The following SGMS1 variants were observed in gnomAD, a reference collection of about 807,000 sequenced individuals.
The protein encoded by SGMS1 is phosphatidylcholine:ceramide cholinephosphotransferase 1.
A neutral mutation model predicts 46.2 loss-of-function variants in SGMS1; 13 were observed. The observed-to-expected ratio is 0.28, with a 90% CI of 0.18 to 0.45. SGMS1 has a LOEUF of 0.45. SGMS1 is among the 20% of genes least tolerant of loss of function. The pLI is 1.00. For synonymous variants in SGMS1, 203 were observed against 187.8 expected, an observed-to-expected ratio of 1.08 and a Z score of -0.66; for missense variants, 324 against 519.9, an observed-to-expected ratio of 0.62 and a Z score of 3.66.
rs371572156 is a variant in SGMS1 at position 50,583,835 on chromosome 10, T to C, written c.-589+6318A>G. On this transcript the variant is annotated intron_variant, in intron 2 of 10. Transcript: ENST00000361781. ...CTTTCCCCTCTCTAAAAATAAAACT[T>C]GAAGACTATTCAAGTGAATTTTAAT... 3.3e-5 allele frequency among the ~76,000 whole-genome samples: 5 copies of C among 152,174 alleles called. No homozygotes were observed. The South Asian group carries it at 1.0e-3, about 32-fold the overall frequency.
intron 6 of SGMS1, among the ~76,000 whole-genome samples, chr10:50,355,647 C>T (rs1455501482): frequency 1.3e-5 from 2 of 152,230 alleles, no homozygotes; most frequent in East Asian, 1.9e-4. Context: ...CAGCCGCCTG[C>T]CTTGGCCTCC....
intron 6 of SGMS1, among the ~76,000 whole-genome samples, chr10:50,388,320 A>G (rs1220765424): frequency 6.6e-6 from 1 of 152,104 alleles, no homozygotes; most frequent in African/African-American, 2.4e-5. Flanking sequence ...ATATTTAAAC[A>G]AAGCAAATGT....
chr10:50,393,139 A>G (rs930752861), intron 6 of SGMS1, among the ~76,000 whole-genome samples: 1 of 152,140 alleles, frequency 6.6e-6, no homozygotes, highest in Admixed American at 6.6e-5. Flanking sequence ...CACATACACC[A>G]ACATTTACTG....
At chr10:50,308,223 T>C in intron 9 of SGMS1, 75 bp from the exon 10 acceptor site, 2 of 1,320,222 alleles carry the variant, frequency 1.5e-6, no homozygotes, top group Non-Finnish European at 2.1e-6. Context: ...CCTCTACTAA[T>C]GCTTCTGAAT....
intron 6 of SGMS1, among the ~76,000 whole-genome samples, chr10:50,351,011 C>T (rs907912100): frequency 2.6e-5 from 4 of 152,158 alleles, no homozygotes; most frequent in Non-Finnish European, 5.9e-5. Flanking sequence ...CACTCAATGC[C>T]AGTCCATGAA....
chr10:50,585,521 T>G (rs1838475435), intron 2 of SGMS1, among the ~76,000 whole-genome samples: 1 of 152,260 alleles, frequency 6.6e-6, no homozygotes, highest in Non-Finnish European at 1.5e-5. Flanking sequence ...TAGTTCCACT[T>G]CCATATTATA....
chr10:50,491,502 T>C (rs1207942298), intron 3 of SGMS1, among the ~76,000 whole-genome samples: 1 of 152,222 alleles, frequency 6.6e-6, no homozygotes, highest in African/African-American at 2.4e-5. Flanking sequence ...CTACAGTTCC[T>C]GAGTTTTAAT....
At chr10:50,324,016 G>A (rs1023805817) in intron 8 of SGMS1, among the ~76,000 whole-genome samples, 5 of 152,208 alleles carry the variant, frequency 3.3e-5, no homozygotes, top group African/African-American at 1.2e-4. Flanking sequence ...CCTAATGTAT[G>A]TTTGTTAAAT....
chr10:50,609,325 C>G (rs1299278946), intron 1 of SGMS1, among the ~76,000 whole-genome samples: 2 of 152,048 alleles, frequency 1.3e-5, no homozygotes, highest in Admixed American at 1.3e-4. Flanking sequence ...TATTTTCAAT[C>G]TATGTGATTG....
intron 2 of SGMS1, among the ~76,000 whole-genome samples, chr10:50,522,033 A>C (rs542380454): frequency 6.6e-6 from 1 of 152,252 alleles, no homozygotes; most frequent in East Asian, 1.9e-4. Context: ...TAAAAACTTT[A>C]TACTGTGATG....
At chr10:50,602,785 A>G (rs991732500) in intron 1 of SGMS1, among the ~76,000 whole-genome samples, 3 of 152,244 alleles carry the variant, frequency 2.0e-5, no homozygotes, top group African/African-American at 7.2e-5. Context: ...TATTTTAACA[A>G]TAAAAAAATT....
upstream of SGMS1, chr10:50,623,976 CT>C: frequency 1.0e-6 from 1 of 985,426 alleles, no homozygotes; most frequent in Non-Finnish European, 1.2e-6. Flanking sequence ...GCCCAGTCCG[CT>C]GCCCGAGCCG....
At chr10:50,347,717 C>A (rs1311064783) in intron 6 of SGMS1, among the ~76,000 whole-genome samples, 1 of 152,042 alleles carries the variant, frequency 6.6e-6, no homozygotes, top group Non-Finnish European at 1.5e-5. Flanking sequence ...TCCCCCTTGC[C>A]CAGCACAGGA....
rs192534468 is a variant in SGMS1 at position 50,590,153 on chromosome 10, C to T, written c.-589G>A. ...AAGCTGCATAGAAATATTTACTTACCTTTCAAATGATGGCTGTCTTCTTTC... is the reference window on the plus strand; with the variant it reads ...AAGCTGCATAGAAATATTTACTTACTTTTCAAATGATGGCTGTCTTCTTTC... On this transcript the variant is annotated splice_region_variant and 5_prime_UTR_variant, in exon 2 of 11. Coordinates refer to ENST00000361781, the MANE Select transcript of SGMS1 (RefSeq NM_147156.4). 8 of 152,388 alleles carry T rather than the reference C, an allele frequency of 5.2e-5. No homozygotes were observed. Among genetic ancestry groups the T allele is most frequent in the East Asian group, 1.9e-4 (1 of 5,324 alleles). 9.4% of individuals were successfully genotyped at this position (152,388 alleles called of 1,614,324 possible).
At chr10:50,555,282 C>G (rs1261792664) in intron 2 of SGMS1, among the ~76,000 whole-genome samples, 3 of 152,162 alleles carry the variant, frequency 2.0e-5, no homozygotes, top group Admixed American at 6.5e-5. Flanking sequence ...TAAATTCATC[C>G]AAGTAACTCA....
intron 1 of SGMS1, among the ~76,000 whole-genome samples, chr10:50,604,354 C>T (rs767073720): frequency 9.2e-5 from 14 of 152,068 alleles, no homozygotes; most frequent in African/African-American, 1.2e-4. Context: ...GTTCCAGGGA[C>T]GGTGTCTAAA....
At chr10:50,491,380 A>T (rs1229253056) in intron 3 of SGMS1, among the ~76,000 whole-genome samples, 1 of 152,166 alleles carries the variant, frequency 6.6e-6, no homozygotes, top group Admixed American at 6.5e-5. Flanking sequence ...AGAATAAGCA[A>T]ATAAAAAATA....
chr10:50,526,795 G>A (rs3011779), intron 2 of SGMS1, among the ~76,000 whole-genome samples: 26,291 of 151,966 alleles, frequency 0.17, 2,941 homozygotes, highest in Non-Finnish European at 0.25. Flanking sequence ...GGCCGGGCAC[G>A]GTGGCTCACG....
intron 1 of SGMS1, among the ~76,000 whole-genome samples, chr10:50,600,207 C>T (rs192414437): frequency 2.0e-5 from 3 of 152,292 alleles, no homozygotes; most frequent in Non-Finnish European, 2.9e-5. Context: ...CTGATGATTA[C>T]ATGTAAAAAC....
Sources: allele counts gnomAD v4.1 joint callset (sites outside exome capture counted in the v4.1 genomes callset), GRCh38; gene constraint gnomAD v4.1.1; transcripts MANE v1.5; gene names NCBI Gene and HGNC (gene_info 2026-07-23, HGNC 2026-07-21).